MSANTD5: variants seen among roughly 807,000 people sequenced by gnomAD.
The protein encoded by MSANTD5 is uncharacterized protein MSANTD5.
chr5:178,696,408 T>C (rs1765412856), intron 1 of MSANTD5, among the ~76,000 whole-genome samples: 1 of 152,056 alleles, frequency 6.6e-6, no homozygotes, highest in African/African-American at 2.4e-5. Flanking sequence ...GTTTTTTTAG[T>C]AGAGACGTTG....
the MSANTD5 span, among the ~76,000 whole-genome samples, chr5:178,705,448 T>C: frequency 6.6e-6 from 1 of 151,928 alleles, no homozygotes; most frequent in Non-Finnish European, 1.5e-5. Flanking sequence ...CCCCGTGTCT[T>C]CCCCTGCAAA....
chr5:178,696,369 C>T (rs1205046412), intron 1 of MSANTD5, among the ~76,000 whole-genome samples, 188 bp from the exon 2 acceptor site: 1 of 151,900 alleles, frequency 6.6e-6, no homozygotes. Context: ...ATTACAGGCA[C>T]GCACCACCAC....
At chr5:178,692,862 T>C (rs1765371175), downstream of MSANTD5, among the ~76,000 whole-genome samples, 1 of 151,942 alleles carries the variant, frequency 6.6e-6, no homozygotes, top group Non-Finnish European at 1.5e-5. Context: ...ACTGTATCGA[T>C]GTCAATATCC....
At chr5:178,700,486 A>G (rs1322839550), upstream of MSANTD5, among the ~76,000 whole-genome samples, 1 of 152,134 alleles carries the variant, frequency 6.6e-6, no homozygotes. Flanking sequence ...AAGGAGTATC[A>G]CGGGCTTTGC....
upstream of MSANTD5, among the ~76,000 whole-genome samples, chr5:178,702,642 G>T (rs1765501747): frequency 6.6e-6 from 1 of 151,318 alleles, no homozygotes; most frequent in Non-Finnish European, 1.5e-5. Context: ...CTGTTGCTCA[G>T]ACTGGAGTGC....
intron 1 of MSANTD5, among the ~76,000 whole-genome samples, chr5:178,697,364 G>A (rs1290859829): frequency 6.6e-6 from 1 of 152,062 alleles, no homozygotes; most frequent in Non-Finnish European, 1.5e-5. Context: ...TGAGGCAGGA[G>A]AATGGCCTGA....
the MSANTD5 span, among the ~76,000 whole-genome samples, chr5:178,705,698 T>G: frequency 6.6e-6 from 1 of 152,106 alleles, no homozygotes; most frequent in East Asian, 1.9e-4. Flanking sequence ...GGCTCACGTC[T>G]GTAATCCCCA....
intron 1 of MSANTD5, among the ~76,000 whole-genome samples, chr5:178,697,282 G>A (rs990388939): frequency 1.7e-4 from 24 of 142,372 alleles, no homozygotes; most frequent in Admixed American, 1.1e-3. Context: ...GTGAAACCCC[G>A]TCTCTACTAA....
At chr5:178,697,198 T>C (rs1373897146) in intron 1 of MSANTD5, among the ~76,000 whole-genome samples, 3 of 152,172 alleles carry the variant, frequency 2.0e-5, no homozygotes, top group Non-Finnish European at 4.4e-5. Flanking sequence ...CTCACGCCTG[T>C]AATCCCAGCA....
At chr5:178,697,975 G>A (rs1228651836), upstream of MSANTD5, among the ~76,000 whole-genome samples, 1 of 152,196 alleles carries the variant, frequency 6.6e-6, no homozygotes, top group Non-Finnish European at 1.5e-5. Context: ...TCTGAGACCA[G>A]CATCTCCAGA....
upstream of MSANTD5, among the ~76,000 whole-genome samples, chr5:178,701,596 T>G (rs1478699006): frequency 6.6e-6 from 1 of 150,642 alleles, no homozygotes; most frequent in Non-Finnish European, 1.5e-5. Flanking sequence ...CTCTTGAACC[T>G]GGGAGGCGGA....
upstream of MSANTD5, among the ~76,000 whole-genome samples, chr5:178,699,937 T>TCTAAGGGGGACCCTGC (rs58269048): frequency 6.1e-5 from 9 of 146,772 alleles, no homozygotes; most frequent in African/African-American, 7.6e-5. Context: ...TTCTGTGGCT[T>TCTAAGGGGGACCCTGC]TCCAGCACAG....
At chr5:178,697,078 C>T (rs1244699735) in intron 1 of MSANTD5, among the ~76,000 whole-genome samples, 2 of 152,110 alleles carry the variant, frequency 1.3e-5, no homozygotes, top group Non-Finnish European at 2.9e-5. Flanking sequence ...AGTTTCTTCC[C>T]ATACCAACTA....
chr5:178,696,222 C>A (rs1014372340), intron 1 of MSANTD5, 41 bp from the exon 2 acceptor site: 2 of 138,796 alleles, frequency 1.4e-5, no homozygotes, highest in African/African-American at 6.0e-5. Context: ...GAATCTCTCT[C>A]TCTCTCTCTC....
the MSANTD5 span, among the ~76,000 whole-genome samples, chr5:178,706,185 T>C: frequency 6.6e-6 from 1 of 152,174 alleles, no homozygotes; most frequent in Admixed American, 6.5e-5. Flanking sequence ...TTTCATATGT[T>C]GAACCAACAT....
At chr5:178,706,594 T>G in the MSANTD5 span, among the ~76,000 whole-genome samples, 9 of 151,980 alleles carry the variant, frequency 5.9e-5, no homozygotes, top group East Asian at 1.4e-3. Context: ...ACTGGAATCC[T>G]CAAAGTGTTG....
chr5:178,697,283 T>C (rs4263516), intron 1 of MSANTD5, among the ~76,000 whole-genome samples: 20,036 of 147,172 alleles, frequency 0.14, 1,778 homozygotes, highest in African/African-American at 0.24. Flanking sequence ...TGAAACCCCG[T>C]CTCTACTAAA....
the MSANTD5 span, among the ~76,000 whole-genome samples, chr5:178,703,802 G>A: frequency 6.6e-6 from 1 of 151,942 alleles, no homozygotes; most frequent in Non-Finnish European, 1.5e-5. Flanking sequence ...CCAACATGGT[G>A]AAACCCCGTC....
downstream of MSANTD5, among the ~76,000 whole-genome samples, chr5:178,693,050 C>A (rs976791542): frequency 2.0e-5 from 3 of 151,970 alleles, no homozygotes; most frequent in Non-Finnish European, 2.9e-5. Context: ...TAGCTCACGT[C>A]GGTAATCCCA....
Sources: allele counts gnomAD v4.1 joint callset (sites outside exome capture counted in the v4.1 genomes callset), GRCh38; gene constraint gnomAD v4.1.1; transcripts MANE v1.5; gene names NCBI Gene and HGNC (gene_info 2026-07-23, HGNC 2026-07-21).